Variants in CCDC88C observed in about 807,000 individuals in gnomAD.
CCDC88C encodes the protein protein Daple.
In CCDC88C, 131 loss-of-function variants were observed where a neutral mutation model predicts 198.8. The observed-to-expected ratio is 0.66, with a 90% CI of 0.57 to 0.76. CCDC88C has a LOEUF of 0.76. Among genes scored for constraint, CCDC88C ranks in the 30% least tolerant of loss-of-function variants. The pLI, the probability that CCDC88C is intolerant of heterozygous loss-of-function variation, is 0.00. For missense variants in CCDC88C, 2,553 were observed against 2,631.6 expected, an observed-to-expected ratio of 0.97 and a Z score of 0.65; for synonymous variants, 1,166 against 1,114.7, an observed-to-expected ratio of 1.05 and a Z score of -0.92.
intron 21 of CCDC88C, among the ~76,000 whole-genome samples, 185 bp from the exon 22 acceptor site, chr14:91,297,676 A>C (rs540686548): frequency 5.3e-5 from 8 of 151,864 alleles, no homozygotes; most frequent in Non-Finnish European, 1.2e-4. Context: ...AAAACTGTCC[A>C]TCAGCAAACT....
intron 12 of CCDC88C, among the ~76,000 whole-genome samples, chr14:91,324,242 G>C (rs1201314119): frequency 1.3e-5 from 2 of 152,244 alleles, no homozygotes. Flanking sequence ...AGCAAGCCCA[G>C]GAGGGAAGAG....
intron 4 of CCDC88C, among the ~76,000 whole-genome samples, chr14:91,349,885 C>T (rs1453310240): frequency 2.0e-5 from 3 of 152,188 alleles, no homozygotes; most frequent in African/African-American, 7.2e-5. Context: ...ATACACCATC[C>T]TCTAAAATGT....
chr14:91,393,954 A>T (rs927225815), intron 3 of CCDC88C, among the ~76,000 whole-genome samples: 1 of 152,234 alleles, frequency 6.6e-6, no homozygotes, highest in African/African-American at 2.4e-5. Flanking sequence ...TGAGCACAAA[A>T]AGTGCCAGCT....
intron 2 of CCDC88C, among the ~76,000 whole-genome samples, chr14:91,412,890 ATC>A: frequency 6.6e-6 from 1 of 152,202 alleles, no homozygotes; most frequent in Non-Finnish European, 1.5e-5. Context: ...TTCCCCTTTT[ATC>A]CTAAGCTTCT....
intron 3 of CCDC88C, among the ~76,000 whole-genome samples, chr14:91,393,180 A>G (rs1885630175): frequency 6.6e-6 from 1 of 152,154 alleles, no homozygotes; most frequent in African/African-American, 2.4e-5. Flanking sequence ...CAAAAGAGGA[A>G]CAGGCTAGGA....
intron 4 of CCDC88C, among the ~76,000 whole-genome samples, chr14:91,344,692 T>C (rs1252614647): frequency 1.3e-5 from 2 of 151,718 alleles, no homozygotes; most frequent in Non-Finnish European, 2.9e-5. Flanking sequence ...TTTGTATTTT[T>C]AGTAGAGATG....
At chr14:91,290,951 C>T (rs1567053301) in intron 24 of CCDC88C, 44 bp downstream of exon 24, 22 of 1,235,796 alleles carry the variant, frequency 1.8e-5, no homozygotes, top group Non-Finnish European at 2.6e-5. Context: ...GAAAAGGAAG[C>T]TTTTAAGTTC....
intron 3 of CCDC88C, among the ~76,000 whole-genome samples, chr14:91,397,791 G>A (rs1885941367): frequency 6.6e-6 from 1 of 152,174 alleles, no homozygotes; most frequent in Non-Finnish European, 1.5e-5. Flanking sequence ...ACCACACGCA[G>A]CACCCCCACC....
intron 12 of CCDC88C, among the ~76,000 whole-genome samples, chr14:91,324,449 G>C (rs558867602): frequency 1.3e-5 from 2 of 152,372 alleles, no homozygotes; most frequent in South Asian, 4.1e-4. Context: ...CTGCCATCCA[G>C]GGCTTTCAGC....
intron 4 of CCDC88C, among the ~76,000 whole-genome samples, chr14:91,349,283 C>T (rs1332314365): frequency 6.6e-6 from 1 of 152,188 alleles, no homozygotes; most frequent in Non-Finnish European, 1.5e-5. Flanking sequence ...AGGGCAAGGA[C>T]TCTAAAGGGA....
intron 2 of CCDC88C, among the ~76,000 whole-genome samples, chr14:91,413,108 ACAAGCTCTCAGCC>A (rs969735429): frequency 6.6e-6 from 1 of 152,168 alleles, no homozygotes; most frequent in African/African-American, 2.4e-5. Context: ...CTTAAAGGGC[ACAAGCTCTCAGCC>A]CTAGTACCAA....
chr14:91,349,506 T>C (rs778953844), intron 4 of CCDC88C, among the ~76,000 whole-genome samples: 2 of 152,192 alleles, frequency 1.3e-5, no homozygotes, highest in African/African-American at 2.4e-5. Context: ...CGTGAATTTC[T>C]ACACCAAAAA....
chr14:91,394,203 C>G (rs1276249797), intron 3 of CCDC88C, among the ~76,000 whole-genome samples: 1 of 152,198 alleles, frequency 6.6e-6, no homozygotes, highest in Non-Finnish European at 1.5e-5. Flanking sequence ...GACTGAGCCT[C>G]CCAGTACCTG....
chr14:91,356,950 G>A (rs1379736025), intron 4 of CCDC88C, among the ~76,000 whole-genome samples: 1 of 152,202 alleles, frequency 6.6e-6, no homozygotes, highest in Non-Finnish European at 1.5e-5. Flanking sequence ...GGAGGGGTGA[G>A]AAAAGGCGGG....
chr14:91,353,357 C>T (rs1369364077), intron 4 of CCDC88C, among the ~76,000 whole-genome samples: 1 of 152,236 alleles, frequency 6.6e-6, no homozygotes, highest in Non-Finnish European at 1.5e-5. Flanking sequence ...CTTGCACTGG[C>T]TGTGAAGCAC....
chr14:91,288,381 A>G lies in CCDC88C; in HGVS notation c.4441+724T>C, dbSNP rs916451112. Reference sequence around the variant, plus strand: ...GAAGAAGTCCTAACCCACCTTTCAAAGTGGTAACAGATAAACCACCCAAGG... The same window carrying G: ...GAAGAAGTCCTAACCCACCTTTCAAGGTGGTAACAGATAAACCACCCAAGG... On this transcript the variant is annotated intron_variant, in intron 25 of 29. Coordinates refer to ENST00000389857, the MANE Select transcript of CCDC88C (RefSeq NM_001080414.4). This position sits in a 1 kb window ranked among gnomAD's most constrained non-coding sequence, Gnocchi z 4.2. Among the ~76,000 whole-genome samples the G allele has an allele frequency of 2.0e-5, 3 of 152,202 alleles. No homozygotes were observed. Among genetic ancestry groups the G allele is most frequent in the African/African-American group, 7.2e-5 (3 of 41,460 alleles).
chr14:91,359,251 G>GGATTCAT (rs1555425092), intron 4 of CCDC88C, among the ~76,000 whole-genome samples: 2 of 149,284 alleles, frequency 1.3e-5, no homozygotes, highest in Non-Finnish European at 3.0e-5. Flanking sequence ...GCAAGCTCCG[G>GGATTCAT]GCCATTCTCC....
chr14:91,300,569 T>A (rs1891230847), intron 20 of CCDC88C, among the ~76,000 whole-genome samples: 1 of 152,156 alleles, frequency 6.6e-6, no homozygotes, highest in African/African-American at 2.4e-5. Context: ...ATCCACTTGT[T>A]CTTAGTCTGG....
At chr14:91,412,643 G>T (rs1348600624) in intron 2 of CCDC88C, among the ~76,000 whole-genome samples, 1 of 152,000 alleles carries the variant, frequency 6.6e-6, no homozygotes, top group African/African-American at 2.4e-5. Flanking sequence ...CACTGTGTTA[G>T]CCAGGATGGT....
Sources: gnomAD v4.1 joint callset for allele counts (sites outside exome capture counted in the v4.1 genomes callset) on GRCh38, gnomAD v4.1.1 for gene constraint, Gnocchi (gnomAD v3.1) non-coding constraint, MANE v1.5 for transcripts, NCBI Gene and HGNC (gene_info 2026-07-23, HGNC 2026-07-21) for gene names.